EPB41L4B: variants seen among roughly 807,000 people sequenced by gnomAD.
The protein encoded by EPB41L4B is band 4.1-like protein 4B.
A neutral mutation model predicts 112.5 loss-of-function variants in EPB41L4B; 30 were observed. The observed-to-expected ratio is 0.27, with a 90% confidence interval of 0.20 to 0.36. The LOEUF (loss-of-function observed/expected upper bound fraction) is 0.36, where lower values mean the gene tolerates loss of function less well. EPB41L4B is among the 10% of genes least tolerant of loss of function. The pLI is 1.00. For synonymous variants in EPB41L4B, 408 were observed against 439.7 expected, an observed-to-expected ratio of 0.93 and a Z score of 0.90; for missense variants, 1,024 against 1,133.3, an observed-to-expected ratio of 0.90 and a Z score of 1.38.
intron 24 of EPB41L4B, among the ~76,000 whole-genome samples, chr9:109,180,735 C>A (rs1832023374): frequency 2.0e-5 from 3 of 152,118 alleles, no homozygotes. Flanking sequence ...CCACCCACAG[C>A]CCACCTCACA....
At chr9:109,307,881 C>T (rs577347843) in intron 1 of EPB41L4B, among the ~76,000 whole-genome samples, 27 of 152,188 alleles carry the variant, frequency 1.8e-4, no homozygotes, top group East Asian at 1.9e-4. Flanking sequence ...CGCTCATAAG[C>T]GCTGGGGGGC....
rs116375748 is a variant in EPB41L4B, at chr9:109,272,996, G to A, written c.412-4563C>T. Among the ~76,000 whole-genome samples the A allele has an allele frequency of 1.5e-3, 221 of 152,130 alleles. 2 individuals carry two copies. The highest frequency in any genetic ancestry group is 4.8e-3 in the African/African-American group (200 of 41,508). ...CCAGTACTCTAGGTTTCCACACCAC[G>A]GACTAGCCTAAAGTGCCTTCTCTGC... On this transcript the variant is annotated intron_variant, in intron 2 of 25. Transcript: ENST00000374566.
chr9:109,297,555 C>CA (rs767838284), intron 1 of EPB41L4B, among the ~76,000 whole-genome samples: 5 of 152,252 alleles, frequency 3.3e-5, no homozygotes, highest in African/African-American at 7.2e-5. Context: ...GCAGATGCGT[C>CA]ATGTGGCACA....
At chr9:109,181,027 A>T (rs1034395779) in intron 24 of EPB41L4B, among the ~76,000 whole-genome samples, 3 of 152,186 alleles carry the variant, frequency 2.0e-5, no homozygotes, top group Admixed American at 2.0e-4. Context: ...TTTTTAAAAA[A>T]TCAAGACAGG....
chr9:109,297,505 A>G (rs1007459138), intron 1 of EPB41L4B, among the ~76,000 whole-genome samples: 10 of 152,136 alleles, frequency 6.6e-5, no homozygotes, highest in African/African-American at 2.4e-4. Flanking sequence ...GATAGCACGC[A>G]TTTCCCACCG....
chr9:109,221,689 AGGTG>A (rs1269581281), intron 15 of EPB41L4B, among the ~76,000 whole-genome samples: 1 of 152,240 alleles, frequency 6.6e-6, no homozygotes, highest in Non-Finnish European at 1.5e-5. Flanking sequence ...AGAAAAAAAG[AGGTG>A]GCAAATGAGA....
chr9:109,320,319 G>A lies in EPB41L4B; in HGVS notation c.128C>T (p.Ala43Val). 1 of 998,504 alleles carries A rather than the reference G, an allele frequency of 1.0e-6. No homozygotes were observed. Among genetic ancestry groups the A allele is most frequent in the Non-Finnish European group, 1.2e-6 (1 of 840,106 alleles). 61.9% of individuals were successfully genotyped at this position (998,504 alleles called of 1,614,324 possible). ...RDGGPRGGPAAAASSSALPAA... is the reference protein window; with the variant it reads ...RDGGPRGGPAVAASSSALPAA... ...GGGCAGCGCCGAGGAGGAGGCGGCG[G>A]CGGCCGGGCCCCCCCGTGGCCCCCC... The change falls in exon 1 of 26, where the codon GCC (alanine) becomes GTC (valine). Residue 43 changes from alanine to valine, a missense_variant. Transcript: ENST00000374566.
At chr9:109,255,994 T>C in intron 9 of EPB41L4B, 142 bp downstream of exon 9, 1 of 1,154,668 alleles carries the variant, frequency 8.7e-7, no homozygotes. Context: ...TCAGCGCAAC[T>C]GCCACAGACC....
At chr9:109,178,020 G>T (rs1383226464) in intron 24 of EPB41L4B, among the ~76,000 whole-genome samples, 5 of 151,322 alleles carry the variant, frequency 3.3e-5, no homozygotes, top group Admixed American at 3.3e-4. Flanking sequence ...CCTGGGCTCA[G>T]GTGATCCTTC....
chr9:109,247,843 G>C, intron 13 of EPB41L4B, 54 bp from the exon 14 acceptor site: 1 of 1,297,346 alleles, frequency 7.7e-7, no homozygotes, highest in Non-Finnish European at 1.0e-6. Context: ...AGGTTGTAGA[G>C]TGGCATTATT....
chr9:109,266,687 G>A (rs941159263), intron 4 of EPB41L4B, among the ~76,000 whole-genome samples: 1 of 152,118 alleles, frequency 6.6e-6, no homozygotes, highest in African/African-American at 2.4e-5. Flanking sequence ...AGAAATTCAG[G>A]CCGGGCGCAG....
intron 17 of EPB41L4B, among the ~76,000 whole-genome samples, chr9:109,209,050 A>G (rs1833072938): frequency 6.6e-6 from 1 of 152,202 alleles, no homozygotes; most frequent in African/African-American, 2.4e-5. Context: ...ATCAGCCACC[A>G]TGCACCAGAG....
Position 109,281,709 on chromosome 9 carries a change from TAAATAAATA to T in EPB41L4B, c.307-1797_307-1789del, listed in dbSNP as rs1564317119. Among the ~76,000 whole-genome samples the T allele has an allele frequency of 1.1e-3, 144 of 128,210 alleles. 1 individual carries two copies. Among genetic ancestry groups the T allele is most frequent in the African/African-American group, 4.0e-3 (130 of 32,122 alleles). 84.1% of individuals were successfully genotyped at this position (128,210 alleles called of 152,430 possible). A position where few individuals can be genotyped will look rare whatever the true frequency, so the allele number is the denominator to read the frequency against. Reference sequence around the variant, plus strand: ...ATAAATAAATAAATAAATAAATAAATAAATAAATAAATAAATTAATTAATTAATTTTAAA... The same window carrying T: ...ATAAATAAATAAATAAATAAATAAATAATAAATTAATTAATTAATTTTAAA... On this transcript the variant is annotated intron_variant, in intron 1 of 25. Transcript: ENST00000374566.
intron 18 of EPB41L4B, among the ~76,000 whole-genome samples, chr9:109,204,068 T>C (rs921051969): frequency 2.6e-4 from 40 of 152,214 alleles, no homozygotes; most frequent in Non-Finnish European, 3.4e-4. Flanking sequence ...CCTCACAGTT[T>C]GGGTCAGGAA....
At chr9:109,209,688 G>C (rs1214816127) in intron 17 of EPB41L4B, among the ~76,000 whole-genome samples, 1 of 151,856 alleles carries the variant, frequency 6.6e-6, no homozygotes, top group Non-Finnish European at 1.5e-5. Context: ...GAAAAAGAGT[G>C]CCAGTGGCTA....
At chr9:109,244,896 C>T (rs560257896) in intron 14 of EPB41L4B, among the ~76,000 whole-genome samples, 1 of 152,224 alleles carries the variant, frequency 6.6e-6, no homozygotes, top group Non-Finnish European at 1.5e-5. Context: ...GTGGCCTGCT[C>T]TCTGGCACAG....
At chr9:109,180,116 C>T (rs559791017) in intron 24 of EPB41L4B, among the ~76,000 whole-genome samples, 1 of 152,190 alleles carries the variant, frequency 6.6e-6, no homozygotes, top group African/African-American at 2.4e-5. Flanking sequence ...TGCTTGCTTT[C>T]CGCATCCCAG....
intron 12 of EPB41L4B, among the ~76,000 whole-genome samples, chr9:109,252,053 G>A (rs1417589315): frequency 6.6e-6 from 1 of 152,144 alleles, no homozygotes; most frequent in African/African-American, 2.4e-5. Flanking sequence ...AAAAGTCAGT[G>A]AAATAAGGGA....
At chr9:109,242,797 A>T (rs546496813) in intron 15 of EPB41L4B, among the ~76,000 whole-genome samples, 2 of 151,394 alleles carry the variant, frequency 1.3e-5, no homozygotes, top group African/African-American at 4.8e-5. Flanking sequence ...ATTAAGACTG[A>T]TCTAAAATTC....
Sources: gnomAD v4.1 joint callset for allele counts (sites outside exome capture counted in the v4.1 genomes callset) on GRCh38, gnomAD v4.1.1 for gene constraint, MANE v1.5 for transcripts, NCBI Gene and HGNC (gene_info 2026-07-23, HGNC 2026-07-21) for gene names.